The following TPD52 variants were observed in gnomAD, a reference collection of about 807,000 sequenced individuals.
The protein encoded by TPD52 is tumor protein D52.
A neutral mutation model predicts 31.3 loss-of-function variants in TPD52; 17 were observed. That is an observed-to-expected ratio of 0.54 (90% CI 0.37 to 0.82). The LOEUF (loss-of-function observed/expected upper bound fraction) is 0.82. Ranked by LOEUF, TPD52 falls within the 40% of genes least tolerant of loss-of-function variation. The pLI is 0.00. For synonymous variants in TPD52, 83 were observed against 89.6 expected, an observed-to-expected ratio of 0.93 and a Z score of 0.42; for missense variants, 212 against 240.1, an observed-to-expected ratio of 0.88 and a Z score of 0.77.
At chr8:80,043,767 T>C (rs1810586716) in intron 6 of TPD52, among the ~76,000 whole-genome samples, 1 of 152,198 alleles carries the variant, frequency 6.6e-6, no homozygotes, top group Non-Finnish European at 1.5e-5. Flanking sequence ...AATTAAATCA[T>C]AGTTGGCTCC....
intron 1 of TPD52, among the ~76,000 whole-genome samples, chr8:80,101,399 A>G (rs10957957): frequency 0.43 from 65,024 of 149,754 alleles, 14,971 homozygotes; most frequent in East Asian, 0.79. Flanking sequence ...AGTGAGCTGA[A>G]ACGGCAACAC....
chr8:80,127,787 AACACACACACACACACACACAC>A (rs368085372), intron 1 of TPD52: 49 of 139,538 alleles, frequency 3.5e-4, no homozygotes, highest in African/African-American at 7.5e-4. Context: ...TTTCTAAATA[AACACACACACACACACACACAC>A]ACACACACAC....
intron 1 of TPD52, among the ~76,000 whole-genome samples, chr8:80,125,686 C>T (rs1188428486): frequency 6.6e-6 from 1 of 152,114 alleles, no homozygotes; most frequent in Non-Finnish European, 1.5e-5. Context: ...TTCATTATGT[C>T]AACCCAATAG....
At chr8:80,077,385 C>T (rs1814701488) in intron 1 of TPD52, among the ~76,000 whole-genome samples, 1 of 152,018 alleles carries the variant, frequency 6.6e-6, no homozygotes, top group African/African-American at 2.4e-5. Context: ...CAACAAAAGA[C>T]CCCAGCTGTG....
intron 1 of TPD52, among the ~76,000 whole-genome samples, chr8:80,161,732 A>ATATTTTT (rs1277398110): frequency 1.2e-4 from 9 of 72,522 alleles, no homozygotes; most frequent in African/African-American, 3.2e-4. Flanking sequence ...ATATATATAT[A>ATATTTTT]TTTTTTTTTT....
chr8:80,070,510 T>C (rs1226188013), intron 1 of TPD52, among the ~76,000 whole-genome samples: 1 of 152,122 alleles, frequency 6.6e-6, no homozygotes, highest in Non-Finnish European at 1.5e-5. Context: ...TCATAAGCAA[T>C]GTGCAACCTA....
Position 80,037,170 on chromosome 8 carries a change from T to C in TPD52, c.*946A>G, listed in dbSNP as rs1450396725. ...AAGTTATATTAGTCATATAACTTGGTGTGCTTATTTTAAATAGTGCTAAAT... is the reference window on the plus strand; with the variant it reads ...AAGTTATATTAGTCATATAACTTGGCGTGCTTATTTTAAATAGTGCTAAAT... On this transcript the variant is annotated 3_prime_UTR_variant, in exon 8 of 8. Coordinates refer to ENST00000518937, the MANE Select transcript of TPD52 (RefSeq NM_001025253.3). 1 of 152,568 alleles carries C rather than the reference T, an allele frequency of 6.6e-6. No individual in the cohort carries two copies. Among genetic ancestry groups the C allele is most frequent in the East Asian group, 1.9e-4 (1 of 5,194 alleles). 9.5% of individuals were successfully genotyped at this position (152,568 alleles called of 1,614,324 possible).
chr8:80,119,597 T>A (rs1463626691), intron 1 of TPD52, among the ~76,000 whole-genome samples: 4 of 152,068 alleles, frequency 2.6e-5, no homozygotes, highest in Non-Finnish European at 4.4e-5. Context: ...AGTGAATGAG[T>A]TCAAGAAAAA....
At chr8:80,138,216 A>T (rs1165566947) in intron 1 of TPD52, among the ~76,000 whole-genome samples, 4 of 152,114 alleles carry the variant, frequency 2.6e-5, no homozygotes, top group African/African-American at 4.8e-5. Context: ...GTGCTGAGAT[A>T]ACAGGCATGA....
chr8:80,133,920 G>A (rs552532358), intron 1 of TPD52, among the ~76,000 whole-genome samples: 1 of 152,240 alleles, frequency 6.6e-6, no homozygotes, highest in African/African-American at 2.4e-5. Context: ...TAGCAAGTCA[G>A]AATAAGAAGA....
In TPD52 at chr8:80,038,018, C is replaced by G; in HGVS notation, c.*98G>C. On this transcript the variant is annotated 3_prime_UTR_variant, in exon 8 of 8. Transcript: ENST00000518937. ...AGGAATATGTAAAGCTAAATAAAAG[C>G]ACATCTGGTAGAAATTCATGGCAAT... 1 of 1,513,718 alleles carries G rather than the reference C, an allele frequency of 6.6e-7. No homozygotes were observed. Among genetic ancestry groups the G allele is most frequent in the Non-Finnish European group, 9.0e-7 (1 of 1,116,210 alleles). The allele number at this position is 1,513,718 out of a possible 1,614,324, so 93.8% of individuals were successfully genotyped here.
intron 1 of TPD52, among the ~76,000 whole-genome samples, chr8:80,146,435 A>G (rs750133837): frequency 5.3e-5 from 8 of 152,242 alleles, no homozygotes; most frequent in Non-Finnish European, 1.0e-4. Context: ...TCTAGTAAGC[A>G]CATTTATGAT....
At chr8:80,115,814 G>C (rs1807825133) in intron 1 of TPD52, among the ~76,000 whole-genome samples, 1 of 152,136 alleles carries the variant, frequency 6.6e-6, no homozygotes, top group Admixed American at 6.5e-5. Context: ...GGAAATGGAG[G>C]ATAAATCTGA....
intron 1 of TPD52, among the ~76,000 whole-genome samples, chr8:80,107,130 C>G (rs138628530): frequency 1.1e-4 from 16 of 152,130 alleles, no homozygotes; most frequent in Admixed American, 7.2e-4. Flanking sequence ...GGATTACAGG[C>G]GTGAGCCACC....
rs755919709 is a variant in TPD52, at chr8:80,034,803, A to G, written c.*3313T>C. On this transcript the variant is annotated 3_prime_UTR_variant, in exon 8 of 8. Coordinates refer to ENST00000518937, the MANE Select transcript of TPD52 (RefSeq NM_001025253.3). The stretch of plus-strand genomic sequence containing the variant: ...TTTTCTATATGATAGAAGAACCACA[A>G]AATTAATAAAATAAACTACCAACCA... The G allele has an allele frequency of 6.6e-6, 1 of 152,216 alleles. No individual in the cohort carries two copies. The highest frequency in any genetic ancestry group is 1.5e-5 in the Non-Finnish European group (1 of 68,038). 9.4% of individuals were successfully genotyped at this position (152,216 alleles called of 1,614,324 possible). A position where few individuals can be genotyped will look rare whatever the true frequency, so the allele number is the denominator to read the frequency against.
At chr8:80,165,233 A>C (rs1428406931) in intron 1 of TPD52, among the ~76,000 whole-genome samples, 2 of 152,230 alleles carry the variant, frequency 1.3e-5, no homozygotes, top group Non-Finnish European at 2.9e-5. Flanking sequence ...CCACATGGCA[A>C]GGGAAAGCAA....
intron 1 of TPD52, among the ~76,000 whole-genome samples, chr8:80,122,023 G>GAA (rs3053827): frequency 0.58 from 84,107 of 145,824 alleles, 24,373 homozygotes; most frequent in East Asian, 0.78. Flanking sequence ...ACCTTCAAAA[G>GAA]AAAAAAAAAA....
intron 1 of TPD52, 133 bp from the exon 2 acceptor site, chr8:80,064,726 G>T: frequency 1.4e-6 from 1 of 731,176 alleles, no homozygotes; most frequent in South Asian, 1.5e-5. Context: ...ATATTCAAAT[G>T]ACCTGGCTTT....
intron 2 of TPD52, 132 bp downstream of exon 2, chr8:80,064,346 G>T (rs1251284888): frequency 5.4e-6 from 4 of 739,196 alleles, no homozygotes; most frequent in Admixed American, 2.4e-5. Flanking sequence ...CTCAAGACCT[G>T]CTGGAGAAGT....
Sources: gnomAD v4.1 joint callset for allele counts (sites outside exome capture counted in the v4.1 genomes callset) on GRCh38, gnomAD v4.1.1 for gene constraint, MANE v1.5 for transcripts, NCBI Gene and HGNC (gene_info 2026-07-23, HGNC 2026-07-21) for gene names.